Variants in NOS2 observed in about 807,000 individuals in gnomAD.
NOS2 encodes nitric oxide synthase, inducible.
In NOS2, 96 loss-of-function variants were observed where a neutral mutation model predicts 136.0. The observed-to-expected ratio is 0.71, with a 90% CI of 0.60 to 0.84. NOS2 has a LOEUF of 0.84. NOS2 is among the 40% of genes least tolerant of loss of function. The pLI is 0.00. For synonymous variants in NOS2, 539 were observed against 587.5 expected (o/e 0.92, Z 1.20); for missense variants, 1,237 against 1,496.9 (o/e 0.83, Z 2.87).
chr17:27,758,803 T>C, intron 26 of NOS2, 78 bp downstream of exon 26: 1 of 1,143,438 alleles, frequency 8.7e-7, no homozygotes, highest in Non-Finnish European at 1.2e-6. Context: ...CCCCTGGGTC[T>C]ACCTGCCACC....
In NOS2 at chr17:27,779,042, C is replaced by T. The variant is rs887281165; in HGVS notation, c.1019G>A (p.Arg340Gln). 11 of 1,529,754 alleles carry T rather than the reference C, an allele frequency of 7.2e-6. No homozygotes were observed. The highest frequency in any genetic ancestry group is 6.9e-5 in the African/African-American group (5 of 72,038). The allele number at this position is 1,529,754 out of a possible 1,614,324, so 94.8% of individuals were successfully genotyped here. The change falls in exon 10 of 27, where the codon CGG becomes CAG. Residue 340 changes from arginine (R) to glutamine (Q), a missense_variant. This residue lies in a region of NOS2 where 440 missense variants were observed against 545.4 expected (regional missense o/e 0.81). Transcript: ENST00000313735. ...AMEHPKYEWF[R>Q]ELELKWYALP... is the part of the protein sequence containing the mutation. Reference sequence around the variant, plus strand: ...GGCGTACCACTTTAGCTCCAGTTCCCGAAACCACTCGTATCTGGCAAAAAG... The same window carrying T: ...GGCGTACCACTTTAGCTCCAGTTCCTGAAACCACTCGTATCTGGCAAAAAG...
At chr17:27,762,504 A>C (rs186758572) in intron 22 of NOS2, among the ~76,000 whole-genome samples, 1 of 152,310 alleles carries the variant, frequency 6.6e-6, no homozygotes, top group Non-Finnish European at 1.5e-5. Context: ...CAGTTAGACT[A>C]TCCAGGTCTG....
intron 18 of NOS2, 91 bp downstream of exon 18, chr17:27,767,614 G>T: frequency 6.8e-7 from 1 of 1,471,510 alleles, no homozygotes; most frequent in Non-Finnish European, 9.1e-7. Context: ...AGCTGTCTCT[G>T]TTCAGAAAGA....
chr17:27,788,811 CT>C lies in NOS2; in HGVS notation c.315del (p.Ile107PhefsTer2), dbSNP rs1198364177. 1.9e-6 allele frequency: 3 copies of C among 1,613,776 alleles called. No individual in the cohort carries two copies. The highest frequency in any genetic ancestry group is 2.5e-6 in the Non-Finnish European group (3 of 1,179,828). ...TFQDTLHHKA[K>X]GILTCRSKSC... ...TCTCCCTGAAGCCCCAGACTTACCC[CT>C]TTGGCCTTATGGTGAAGTGTGTCTT... On this transcript the variant is annotated frameshift_variant, in exon 4 of 27. Coordinates refer to ENST00000313735, the MANE Select transcript of NOS2 (RefSeq NM_000625.4). LOFTEE classifies it high-confidence loss of function.
At position 27,769,596 on chromosome 17, in the gene NOS2, G is replaced by C. The variant is rs1382849308; in HGVS notation, c.1810-12C>G. 1 of 1,608,264 alleles carries C rather than the reference G, an allele frequency of 6.2e-7. No homozygotes were observed. The highest frequency in any genetic ancestry group is 8.5e-7 in the Non-Finnish European group (1 of 1,174,784). On this transcript the variant is annotated splice_polypyrimidine_tract_variant and intron_variant, in intron 15 of 26. Coordinates refer to ENST00000313735, the MANE Select transcript of NOS2 (RefSeq NM_000625.4). ...GATTTCTTCAGTTTCTAGAAAGAGA[G>C]GGAATGACAGAGTTCTCAAGCCAGG...
chr17:27,760,490 C>A, intron 24 of NOS2, 133 bp downstream of exon 24: 1 of 1,231,548 alleles, frequency 8.1e-7, no homozygotes, highest in Non-Finnish European at 1.1e-6. Context: ...CCCGCAGAGG[C>A]CCGCACAGGG....
At chr17:27,778,334 G>A (rs912546673) in intron 11 of NOS2, among the ~76,000 whole-genome samples, 1 of 152,176 alleles carries the variant, frequency 6.6e-6, no homozygotes, top group Non-Finnish European at 1.5e-5. Flanking sequence ...AGTGGCTGGA[G>A]GGAGCCTGAG....
At chr17:27,794,041 T>A (rs1030543986) in intron 2 of NOS2, among the ~76,000 whole-genome samples, 1 of 152,242 alleles carries the variant, frequency 6.6e-6, no homozygotes, top group Admixed American at 6.5e-5. Flanking sequence ...TGCGCGGTGC[T>A]TTCTAGTTTA....
chr17:27,757,642 G>A (rs1048159351), intron 26 of NOS2, among the ~76,000 whole-genome samples: 1 of 152,216 alleles, frequency 6.6e-6, no homozygotes, highest in Non-Finnish European at 1.5e-5. Flanking sequence ...ATATGTTTGG[G>A]AAATGCTACG....
chr17:27,780,818 A>C lies in NOS2; in HGVS notation c.953T>G (p.Leu318Arg). Residue 318 changes from leucine (L) to arginine (R), a missense_variant, in exon 9 of 27, where the codon CTC (leucine) becomes CGC (arginine). Around this residue, in one of 3 missense-constraint regions of NOS2, gnomAD observed 440 missense variants for 545.4 expected, o/e 0.81. Coordinates refer to ENST00000313735, the MANE Select transcript of NOS2 (RefSeq NM_000625.4). ...CACAAGGTCAGGTGGGATTTCGAAG[A>C]GCTCAGGGTCACGGCCATTGGCCTG... The part of the protein sequence containing the change: ...VLQANGRDPE[L>R]FEIPPDLVLE... 1 of 1,614,158 alleles carries C rather than the reference A, an allele frequency of 6.2e-7. No homozygotes were observed. The highest frequency in any genetic ancestry group is 1.6e-4 in the Middle Eastern group (1 of 6,062).
At chr17:27,759,861 G>A (rs955755449) in intron 25 of NOS2, among the ~76,000 whole-genome samples, 169 bp downstream of exon 25, 36 of 152,204 alleles carry the variant, frequency 2.4e-4, no homozygotes. Flanking sequence ...CGCTTCTGCT[G>A]TATGAGAGGG....
chr17:27,796,466 A>C (rs1417551696), intron 2 of NOS2, among the ~76,000 whole-genome samples: 1 of 152,094 alleles, frequency 6.6e-6, no homozygotes, highest in Admixed American at 6.6e-5. Context: ...AAATAATAAT[A>C]ATAAAAAATA....
intron 9 of NOS2, 57 bp from the exon 10 acceptor site, chr17:27,779,113 TA>T (rs775142431): frequency 1.5e-4 from 194 of 1,253,972 alleles, no homozygotes; most frequent in East Asian, 1.1e-3. Flanking sequence ...ATTTTATTAT[TA>T]TTTTTTTTTT....
At chr17:27,769,697 A>G in intron 15 of NOS2, 113 bp from the exon 16 acceptor site, 1 of 922,870 alleles carries the variant, frequency 1.1e-6, no homozygotes, top group Non-Finnish European at 1.8e-6. Flanking sequence ...ACAGCCCACC[A>G]CGGAAGTTGG....
chr17:27,778,784 C>T lies in NOS2; in HGVS notation c.1187G>A (p.Gly396Asp), dbSNP rs1908743476. 2.5e-6 allele frequency: 4 copies of T among 1,614,178 alleles called. No individual in the cohort carries two copies. Among genetic ancestry groups the T allele is most frequent in the Non-Finnish European group, 3.4e-6 (4 of 1,180,002 alleles). ...GTGCGTTTCCAGGCCCATTCTCCTG[C>T]CCACTTCCTACAGAGGCAGAGTGAT... The part of the protein sequence containing the change: ...VQRYNILEEV[G>D]RRMGLETHKL... The change falls in exon 11 of 27, where the codon GGC becomes GAC. Residue 396 changes from glycine to aspartate, a missense_variant. Gly to Asp is a moderately conservative substitution (Grantham distance 94, BLOSUM62 -1). Coordinates refer to ENST00000313735, the MANE Select transcript of NOS2 (RefSeq NM_000625.4).
At chr17:27,769,721 C>T (rs1285638647) in intron 15 of NOS2, 137 bp from the exon 16 acceptor site, 3 of 725,252 alleles carry the variant, frequency 4.1e-6, no homozygotes, top group Non-Finnish European at 7.3e-6. Context: ...ACATATGGGG[C>T]TACCTGGCCA....
At chr17:27,773,312 G>A in intron 12 of NOS2, 69 bp from the exon 13 acceptor site, 1 of 1,074,624 alleles carries the variant, frequency 9.3e-7, no homozygotes, top group Non-Finnish European at 1.4e-6. Context: ...GGATGCTGGA[G>A]TGGTAGAGGA....
Position 27,781,179 on chromosome 17 carries a change from T to C in NOS2, c.723-2A>G. On this transcript the variant is annotated splice_acceptor_variant, in intron 7 of 26. Transcript: ENST00000313735. LOFTEE classifies it high-confidence loss of function. The stretch of plus-strand genomic sequence containing the variant: ...TGGGGGAACACGGTGATGGCCGACC[T>C]TCCCAGGACAGGAACAGTACTGTTT... 1 of 1,604,756 alleles carries C rather than the reference T, an allele frequency of 6.2e-7. No homozygotes were observed. The highest frequency in any genetic ancestry group is 8.5e-7 in the Non-Finnish European group (1 of 1,179,452).
intron 14 of NOS2, among the ~76,000 whole-genome samples, chr17:27,771,220 G>A (rs1297434635): frequency 2.0e-5 from 3 of 152,264 alleles, no homozygotes; most frequent in East Asian, 1.9e-4. Flanking sequence ...CTCCTTCCCC[G>A]CTTAAGCCCT....
Sources: gnomAD v4.1 joint callset for allele counts (sites outside exome capture counted in the v4.1 genomes callset) on GRCh38, gnomAD v4.1.1 for gene constraint, gnomAD v4.1.1 regional missense constraint, MANE v1.5 for transcripts, NCBI Gene and HGNC (gene_info 2026-07-23, HGNC 2026-07-21) for gene names.